The following HTR1F variants were observed in gnomAD, a reference collection of about 807,000 sequenced individuals.
HTR1F encodes 5-hydroxytryptamine receptor 1F.
In HTR1F, 17 loss-of-function variants were observed where a neutral mutation model predicts 24.0. That is an observed-to-expected ratio of 0.71 (90% CI 0.48 to 1.06). The LOEUF (loss-of-function observed/expected upper bound fraction) is 1.06, where lower values mean the gene tolerates loss of function less well. Ranked by LOEUF, HTR1F falls within the 50% of genes least tolerant of loss-of-function variation. The probability of loss-of-function intolerance (pLI) is 0.00; values close to 1 mark genes in which losing one functional copy is unlikely to be tolerated. For synonymous variants in HTR1F, 186 were observed against 156.8 expected (o/e 1.19, Z -1.39); for missense variants, 391 against 427.8 (o/e 0.91, Z 0.76).
chr3:87,986,840 C>T (rs1328587728), intron 2 of HTR1F, among the ~76,000 whole-genome samples: 1 of 152,184 alleles, frequency 6.6e-6, no homozygotes, highest in Non-Finnish European at 1.5e-5. Context: ...CATGGTGGCT[C>T]ACACCTGTAA....
At chr3:87,805,568 G>A (rs1437838227) in intron 1 of HTR1F, among the ~76,000 whole-genome samples, 11 of 151,948 alleles carry the variant, frequency 7.2e-5, no homozygotes. Flanking sequence ...GATACAATGT[G>A]TAATTATCAA....
At chr3:87,927,706 C>A (rs962003220) in intron 2 of HTR1F, among the ~76,000 whole-genome samples, 4 of 152,162 alleles carry the variant, frequency 2.6e-5, no homozygotes, top group African/African-American at 9.7e-5. Flanking sequence ...AATATCTCAA[C>A]TAAATTATTG....
At chr3:87,937,271 C>G (rs1176174841) in intron 2 of HTR1F, among the ~76,000 whole-genome samples, 1 of 151,998 alleles carries the variant, frequency 6.6e-6, no homozygotes, top group Non-Finnish European at 1.5e-5. Context: ...CATTAAACAC[C>G]GTGATCAAGT....
intron 2 of HTR1F, among the ~76,000 whole-genome samples, chr3:87,878,682 A>AAC (rs1189862684): frequency 4.0e-5 from 6 of 151,642 alleles, no homozygotes; most frequent in South Asian, 2.1e-4. Flanking sequence ...CACACACACA[A>AAC]ACACACACAC....
chr3:87,845,890 C>G (rs577064608), intron 2 of HTR1F, among the ~76,000 whole-genome samples: 9 of 152,004 alleles, frequency 5.9e-5, no homozygotes, highest in South Asian at 4.1e-4. Context: ...TTTTCACTCA[C>G]AAATTTGTCC....
chr3:87,897,422 G>A (rs1204653260), intron 2 of HTR1F, among the ~76,000 whole-genome samples: 1 of 151,770 alleles, frequency 6.6e-6, no homozygotes, highest in Admixed American at 6.6e-5. Flanking sequence ...TCAATAAGCG[G>A]GCCACATATC....
At chr3:87,967,602 G>A (rs1705195640) in intron 2 of HTR1F, among the ~76,000 whole-genome samples, 1 of 151,884 alleles carries the variant, frequency 6.6e-6, no homozygotes. Context: ...GGGGTGGGTA[G>A]GTCTTTCCTG....
chr3:87,942,247 A>T (rs1704586960), intron 2 of HTR1F, among the ~76,000 whole-genome samples: 1 of 152,052 alleles, frequency 6.6e-6, no homozygotes, highest in South Asian at 2.1e-4. Context: ...AAAAGAGTAA[A>T]GTTCCCCAGT....
At chr3:87,860,506 C>T (rs984883131) in intron 2 of HTR1F, among the ~76,000 whole-genome samples, 2 of 152,124 alleles carry the variant, frequency 1.3e-5, no homozygotes, top group African/African-American at 4.8e-5. Flanking sequence ...CATTTTTTCC[C>T]TATGAATTGT....
intron 2 of HTR1F, among the ~76,000 whole-genome samples, chr3:87,825,263 G>A (rs1297646372): frequency 2.0e-5 from 3 of 152,030 alleles, no homozygotes; most frequent in East Asian, 1.9e-4. Flanking sequence ...CCAAATAATC[G>A]TCCTCAGAGC....
intron 2 of HTR1F, among the ~76,000 whole-genome samples, chr3:87,826,831 G>A (rs1455291885): frequency 6.6e-6 from 1 of 152,020 alleles, no homozygotes; most frequent in East Asian, 1.9e-4. Context: ...TTATTTTGGG[G>A]ACAGGGTCTC....
intron 2 of HTR1F, among the ~76,000 whole-genome samples, chr3:87,947,549 C>T (rs1448203238): frequency 6.6e-6 from 1 of 151,692 alleles, no homozygotes; most frequent in Admixed American, 6.6e-5. Flanking sequence ...TAGTTATAAC[C>T]ACACATGTCA....
intron 2 of HTR1F, among the ~76,000 whole-genome samples, chr3:87,870,590 A>AACAC (rs1705532522): frequency 6.6e-6 from 1 of 152,068 alleles, no homozygotes. Context: ...AAGAAAGGGG[A>AACAC]ACACACATCC....
chr3:87,903,349 T>A (rs1419322240), intron 2 of HTR1F, among the ~76,000 whole-genome samples: 1 of 151,380 alleles, frequency 6.6e-6, no homozygotes, highest in Admixed American at 6.6e-5. Context: ...ACCTACAGAA[T>A]GGGAGAAAAT....
At position 87,991,450 on chromosome 3, in the gene HTR1F, G is replaced by A; in HGVS notation, c.701G>A (p.Gly234Asp). 1 of 1,614,034 alleles carries A rather than the reference G, an allele frequency of 6.2e-7. No individual in the cohort carries two copies. Among genetic ancestry groups the A allele is most frequent in the Non-Finnish European group, 8.5e-7 (1 of 1,179,968 alleles). The change falls in exon 3 of 3, where the codon GGT (glycine) becomes GAT (aspartate). Residue 234 changes from glycine to aspartate, a missense_variant. By Grantham distance (94) the Gly-to-Asp change is moderately conservative. Coordinates refer to ENST00000319595, the MANE Select transcript of HTR1F (RefSeq NM_001322209.2). ...EVNGQVLLES[G>D]EKSTKSVSTS... is the part of the protein sequence containing the mutation. ...AATGGCCAAGTCCTTTTGGAGAGTG[G>A]TGAGAAAAGCACTAAATCAGTTTCC...
At chr3:87,801,942 G>T (rs1312324035) in intron 1 of HTR1F, among the ~76,000 whole-genome samples, 1 of 152,050 alleles carries the variant, frequency 6.6e-6, no homozygotes. Context: ...TAAGTCATTT[G>T]TGATATTTAG....
chr3:87,903,794 T>C (rs1263057182), intron 2 of HTR1F, among the ~76,000 whole-genome samples: 1 of 152,206 alleles, frequency 6.6e-6, no homozygotes, highest in East Asian at 1.9e-4. Flanking sequence ...CAAAGGAATA[T>C]AAATCATGCT....
At chr3:87,842,060 T>G (rs13063235) in intron 2 of HTR1F, among the ~76,000 whole-genome samples, 2 of 151,922 alleles carry the variant, frequency 1.3e-5, no homozygotes, top group African/African-American at 2.4e-5. Context: ...GGAAAAGAAT[T>G]TCTTCATTCC....
At chr3:87,805,753 T>C (rs1559589292) in intron 1 of HTR1F, among the ~76,000 whole-genome samples, 1 of 152,000 alleles carries the variant, frequency 6.6e-6, no homozygotes, top group Non-Finnish European at 1.5e-5. Context: ...CGGCACACGT[T>C]TACCCGTGTA....
Sources: gnomAD v4.1 joint callset for allele counts (sites outside exome capture counted in the v4.1 genomes callset) on GRCh38, gnomAD v4.1.1 for gene constraint, MANE v1.5 for transcripts, NCBI Gene and HGNC (gene_info 2026-07-23, HGNC 2026-07-21) for gene names.